The following RBFOX1 variants were observed in gnomAD, a reference collection of about 807,000 sequenced individuals.
RBFOX1 encodes RNA binding protein fox-1 homolog 1.
A neutral mutation model predicts 57.7 loss-of-function variants in RBFOX1; 8 were observed. The ratio of observed to expected loss-of-function variants is 0.14; its 90% CI spans 0.08 to 0.25. The LOEUF is 0.25. RBFOX1 is among the 10% of genes least tolerant of loss of function. The probability of loss-of-function intolerance (pLI) is 1.00; values close to 1 mark genes in which losing one functional copy is unlikely to be tolerated. For missense variants in RBFOX1, 611 were observed against 548.5 expected, an observed-to-expected ratio of 1.11 and a Z score of -1.14; for synonymous variants, 326 against 222.4, an observed-to-expected ratio of 1.47 and a Z score of -4.15.
intron 1 of RBFOX1, among the ~76,000 whole-genome samples, chr16:5,299,389 C>T (rs2063751204): frequency 6.6e-6 from 1 of 151,774 alleles, no homozygotes; most frequent in Non-Finnish European, 1.5e-5. Context: ...AATAAAACTT[C>T]TATGAATAAA....
chr16:7,220,513 T>A (rs2092643953), intron 4 of RBFOX1, among the ~76,000 whole-genome samples: 1 of 152,340 alleles, frequency 6.6e-6, no homozygotes, highest in Admixed American at 6.5e-5. Flanking sequence ...TGATTATGTG[T>A]GATTTCTGCC....
At chr16:6,324,524 A>G (rs1458056642) in intron 2 of RBFOX1, among the ~76,000 whole-genome samples, 1 of 152,194 alleles carries the variant, frequency 6.6e-6, no homozygotes, top group Admixed American at 6.5e-5. Flanking sequence ...TGGCCAGAGC[A>G]GGAACAAGAG....
chr16:6,662,005 A>G (rs80031124), intron 3 of RBFOX1, among the ~76,000 whole-genome samples: 106 of 152,300 alleles, frequency 7.0e-4, no homozygotes, highest in Non-Finnish European at 1.2e-3. Context: ...CCTAGAGGAC[A>G]TTAGGTGAAG....
intron 5 of RBFOX1, among the ~76,000 whole-genome samples, chr16:7,570,542 T>C (rs2092668036): frequency 6.6e-6 from 1 of 152,200 alleles, no homozygotes; most frequent in Non-Finnish European, 1.5e-5. Flanking sequence ...GTCATTTATC[T>C]ACGCTTGCAG....
intron 3 of RBFOX1, among the ~76,000 whole-genome samples, chr16:7,033,874 C>G (rs1269805679): frequency 6.6e-6 from 1 of 152,112 alleles, no homozygotes; most frequent in Non-Finnish European, 1.5e-5. Context: ...GAGGCTGGGG[C>G]AGGAGGATTA....
At chr16:6,820,371 C>A (rs1265773444) in intron 3 of RBFOX1, among the ~76,000 whole-genome samples, 1 of 152,100 alleles carries the variant, frequency 6.6e-6, no homozygotes, top group Non-Finnish European at 1.5e-5. Context: ...GTTCAGGTAA[C>A]TGTGATAGGC....
At chr16:7,216,648 A>G (rs1017806107) in intron 4 of RBFOX1, among the ~76,000 whole-genome samples, 3 of 145,932 alleles carry the variant, frequency 2.1e-5, no homozygotes, top group African/African-American at 7.4e-5. Context: ...ACAGAGTGAG[A>G]CTCCGTCAAA....
intron 4 of RBFOX1, among the ~76,000 whole-genome samples, chr16:7,065,679 C>A (rs1424089411): frequency 6.6e-6 from 1 of 152,166 alleles, no homozygotes; most frequent in Non-Finnish European, 1.5e-5. Flanking sequence ...AATTTACGCT[C>A]TCAGCAGTTT....
At chr16:7,092,186 A>G (rs569753540) in intron 4 of RBFOX1, among the ~76,000 whole-genome samples, 1 of 152,340 alleles carries the variant, frequency 6.6e-6, no homozygotes, top group Admixed American at 6.5e-5. Flanking sequence ...TTACAAAGTT[A>G]CAAGGTATAC....
At chr16:5,538,975 A>G (rs1419271528) in intron 2 of RBFOX1, among the ~76,000 whole-genome samples, 2 of 152,150 alleles carry the variant, frequency 1.3e-5, no homozygotes, top group Admixed American at 6.6e-5. Flanking sequence ...TGTGAAACCC[A>G]TAGCAGCACG....
intron 1 of RBFOX1, among the ~76,000 whole-genome samples, chr16:5,407,173 C>T (rs72777541): frequency 0.19 from 28,904 of 151,828 alleles, 2,886 homozygotes; most frequent in Middle Eastern, 0.22. Context: ...GGGAAGCTGC[C>T]GTTTATAAAA....
intron 4 of RBFOX1, among the ~76,000 whole-genome samples, chr16:5,913,744 A>G (rs1380607109): frequency 1.3e-5 from 2 of 152,276 alleles, no homozygotes; most frequent in Admixed American, 6.5e-5. Context: ...CAAACATTCC[A>G]GCAACACATC....
chr16:6,114,499 TA>T (rs779797818), intron 1 of RBFOX1, among the ~76,000 whole-genome samples: 12 of 152,186 alleles, frequency 7.9e-5, no homozygotes, highest in Non-Finnish European at 1.3e-4. Context: ...CAGTTATATT[TA>T]TAGTTGTTTA....
At chr16:7,695,649 C>T (rs1209595411) in intron 14 of RBFOX1, among the ~76,000 whole-genome samples, 1 of 98,400 alleles carries the variant, frequency 1.0e-5, no homozygotes, top group Non-Finnish European at 1.9e-5. Flanking sequence ...AAGCCTCCAT[C>T]AAAAAAAAAA....
chr16:5,551,207 C>G (rs2045451041), intron 2 of RBFOX1, among the ~76,000 whole-genome samples: 1 of 152,186 alleles, frequency 6.6e-6, no homozygotes, highest in African/African-American at 2.4e-5. Flanking sequence ...CCGTGACTTC[C>G]TCCAGCAAGC....
chr16:7,387,400 C>T (rs1390364354), intron 4 of RBFOX1, among the ~76,000 whole-genome samples: 2 of 152,160 alleles, frequency 1.3e-5, no homozygotes, highest in Non-Finnish European at 2.9e-5. Context: ...AGAATTGAGG[C>T]CGTCAGTCAC....
chr16:7,438,017 A>G (rs1234665436), intron 4 of RBFOX1, among the ~76,000 whole-genome samples: 1 of 152,132 alleles, frequency 6.6e-6, no homozygotes, highest in Non-Finnish European at 1.5e-5. Context: ...TAATCCCTGC[A>G]TGTCAGTGCG....
intron 3 of RBFOX1, among the ~76,000 whole-genome samples, chr16:6,955,916 G>A (rs972388606): frequency 6.6e-6 from 1 of 152,058 alleles, no homozygotes; most frequent in Non-Finnish European, 1.5e-5. Context: ...ATGTTGGTCA[G>A]GCTGGTCTCA....
intron 3 of RBFOX1, among the ~76,000 whole-genome samples, chr16:7,047,066 T>G (rs1353338123): frequency 1.3e-5 from 2 of 151,686 alleles, no homozygotes; most frequent in Non-Finnish European, 2.9e-5. Context: ...TTTTTTTGCT[T>G]TAAGCCATTA....
Sources: allele counts gnomAD v4.1 joint callset (sites outside exome capture counted in the v4.1 genomes callset), GRCh38; gene constraint gnomAD v4.1.1; transcripts MANE v1.5; gene names NCBI Gene and HGNC (gene_info 2026-07-23, HGNC 2026-07-21).